Variants in RAMACL observed in about 807,000 individuals in gnomAD.
RAMACL encodes the protein RNA guanine-N7 methyltransferase-activating subunit-like protein.
Under a neutral mutation model 13.4 loss-of-function variants are expected in RAMACL, and 9 were observed. The observed-to-expected ratio is 0.67, with a 90% CI of 0.41 to 1.17. The LOEUF (loss-of-function observed/expected upper bound fraction) is 1.17. Ranked by LOEUF, RAMACL falls within the 50% of genes most tolerant of loss-of-function variation. The probability of loss-of-function intolerance (pLI) is 0.01; values close to 1 mark genes in which losing one functional copy is unlikely to be tolerated. For synonymous variants in RAMACL, 39 were observed against 49.3 expected, an observed-to-expected ratio of 0.79 and a Z score of 0.88; for missense variants, 124 against 141.6, an observed-to-expected ratio of 0.88 and a Z score of 0.63.
At chr6:166,586,609 C>T in exon 1 of RAMACL, 3 of 785,936 alleles carry the variant, frequency 3.8e-6, no homozygotes, top group South Asian at 1.8e-5. Flanking sequence ...GGAGAGGTGG[C>T]CTCTGGTCCA....
downstream of RAMACL, among the ~76,000 whole-genome samples, chr6:166,584,486 A>G (rs912794752): frequency 6.6e-6 from 1 of 152,212 alleles, no homozygotes; most frequent in South Asian, 2.1e-4. Flanking sequence ...GATGACAGGG[A>G]CACTCTAAAT....
Sources: gnomAD v4.1 joint callset for allele counts (sites outside exome capture counted in the v4.1 genomes callset) on GRCh38, gnomAD v4.1.1 for gene constraint, MANE v1.5 for transcripts, NCBI Gene and HGNC (gene_info 2026-07-23, HGNC 2026-07-21) for gene names.